Variants in TMEM132D observed in about 807,000 individuals in gnomAD.
TMEM132D encodes the protein mature OL transmembrane protein.
A neutral mutation model predicts 62.3 loss-of-function variants in TMEM132D; 21 were observed. The ratio of observed to expected loss-of-function variants is 0.34; its 90% CI spans 0.24 to 0.49. The LOEUF (loss-of-function observed/expected upper bound fraction) is 0.49, where lower values mean the gene tolerates loss of function less well. Ranked by LOEUF, TMEM132D falls within the 20% of genes least tolerant of loss-of-function variation. The pLI, the probability that TMEM132D is intolerant of heterozygous loss-of-function variation, is 0.99. For synonymous variants in TMEM132D, 621 were observed against 575.6 expected, an observed-to-expected ratio of 1.08 and a Z score of -1.13; for missense variants, 1,346 against 1,402.8, an observed-to-expected ratio of 0.96 and a Z score of 0.65.
At chr12:129,284,712 C>T (rs970864726) in intron 4 of TMEM132D, among the ~76,000 whole-genome samples, 2 of 152,162 alleles carry the variant, frequency 1.3e-5, no homozygotes, top group Non-Finnish European at 2.9e-5. Context: ...CATATAAATA[C>T]AATGGAATAT....
chr12:129,823,869 AT>A (rs1166550068), intron 1 of TMEM132D, among the ~76,000 whole-genome samples: 1 of 152,206 alleles, frequency 6.6e-6, no homozygotes, highest in Non-Finnish European at 1.5e-5. Flanking sequence ...AAAACATAAT[AT>A]GGTGTCTCTT....
In TMEM132D at chr12:129,734,932, C is replaced by T. The variant is rs79031604; in HGVS notation, c.80-34234G>A. Among the ~76,000 whole-genome samples, 808 of 152,038 alleles carry T rather than the reference C, an allele frequency of 5.3e-3. 7 individuals are homozygous for T. The highest frequency in any genetic ancestry group is 0.018 in the African/African-American group (752 of 41,448). On this transcript the variant is annotated intron_variant, in intron 1 of 8. Transcript: ENST00000422113. ...AACTGGAACTATAAAAGGCAAGTAA[C>T]CTGATAATCATAGAAACAAAAAGGA...
chr12:129,631,241 C>G (rs908593706), intron 2 of TMEM132D, among the ~76,000 whole-genome samples: 13 of 152,188 alleles, frequency 8.5e-5, no homozygotes, highest in Non-Finnish European at 1.8e-4. Context: ...GCGTCTTTCT[C>G]TTTCATAAAC....
chr12:129,328,494 T>A (rs1175427854), intron 4 of TMEM132D, among the ~76,000 whole-genome samples: 2 of 152,228 alleles, frequency 1.3e-5, no homozygotes, highest in Non-Finnish European at 2.9e-5. Context: ...TTTTGTACTA[T>A]GGGCCTTTAA....
intron 1 of TMEM132D, among the ~76,000 whole-genome samples, chr12:129,898,185 A>G (rs1314874468): frequency 6.6e-6 from 1 of 152,220 alleles, no homozygotes; most frequent in Non-Finnish European, 1.5e-5. Flanking sequence ...GCTCTGAATT[A>G]CTGGAAAAGG....
chr12:129,073,740 T>G lies in TMEM132D; in HGVS notation c.*135A>C, dbSNP rs1317525006. ...GGCCTCGCCGCCGAGCCGGGGTCAT[T>G]GGCTGAGGCTGTATGGATAGTGTCA... On this transcript the variant is annotated 3_prime_UTR_variant, in exon 9 of 9. Transcript: ENST00000422113. 1.3e-6 allele frequency: 1 copy of G among 783,386 alleles called. No homozygotes were observed. Among genetic ancestry groups the G allele is most frequent in the African/African-American group, 1.7e-5 (1 of 57,654 alleles). 48.5% of individuals were successfully genotyped at this position (783,386 alleles called of 1,614,324 possible).
At chr12:129,761,325 G>A (rs557986924) in intron 1 of TMEM132D, among the ~76,000 whole-genome samples, 27 of 151,866 alleles carry the variant, frequency 1.8e-4, no homozygotes, top group African/African-American at 5.1e-4. Context: ...TTCTGGAGGC[G>A]GGTGCAGCAC....
chr12:129,115,400 T>C (rs1051530790), intron 5 of TMEM132D, among the ~76,000 whole-genome samples: 5 of 151,986 alleles, frequency 3.3e-5, no homozygotes, highest in Non-Finnish European at 7.4e-5. Context: ...GATGAAATCT[T>C]TGGGATGGAG....
At chr12:129,152,312 C>T (rs1452825622) in intron 5 of TMEM132D, among the ~76,000 whole-genome samples, 1 of 152,158 alleles carries the variant, frequency 6.6e-6, no homozygotes, top group African/African-American at 2.4e-5. Flanking sequence ...CTCTGCTAAC[C>T]TAAAAATTCT....
At chr12:129,799,182 T>C (rs990764602) in intron 1 of TMEM132D, among the ~76,000 whole-genome samples, 1 of 152,040 alleles carries the variant, frequency 6.6e-6, no homozygotes, top group Non-Finnish European at 1.5e-5. Flanking sequence ...GGAGAATCAC[T>C]TGAACCTGGA....
chr12:129,082,473 G>A (rs1177767231), intron 6 of TMEM132D, among the ~76,000 whole-genome samples: 1 of 152,210 alleles, frequency 6.6e-6, no homozygotes, highest in East Asian at 1.9e-4. Context: ...GAAGTGAGGT[G>A]CATGCTGTGA....
At chr12:129,508,250 A>G (rs1875398252) in intron 3 of TMEM132D, among the ~76,000 whole-genome samples, 1 of 152,182 alleles carries the variant, frequency 6.6e-6, no homozygotes, top group Middle Eastern at 3.2e-3. Flanking sequence ...CATTGAAACC[A>G]TCATGCTTTG....
chr12:129,531,937 T>C (rs965146247), intron 2 of TMEM132D, among the ~76,000 whole-genome samples: 1 of 152,120 alleles, frequency 6.6e-6, no homozygotes, highest in Non-Finnish European at 1.5e-5. Context: ...GCCCCTGTAG[T>C]CCTAGCTACT....
Position 129,827,026 on chromosome 12 carries a change from A to C in TMEM132D, c.79+76235T>G, listed in dbSNP as rs1872681170. Among the ~76,000 whole-genome samples, 1 of 152,236 alleles carries C rather than the reference A, an allele frequency of 6.6e-6. No homozygotes were observed. The highest frequency in any genetic ancestry group is 2.4e-5 in the African/African-American group (1 of 41,460). On this transcript the variant is annotated intron_variant, in intron 1 of 8. Transcript: ENST00000422113. The surrounding 1 kb of genome is among the most constrained non-coding windows in gnomAD (Gnocchi z 9.7). ...GGCTGTGCTAATAACTATTCTAAAAATTACACCATAATGAAATATGCAAAA... is the reference window on the plus strand; with the variant it reads ...GGCTGTGCTAATAACTATTCTAAAACTTACACCATAATGAAATATGCAAAA...
At chr12:129,786,789 G>A (rs1383177473) in intron 1 of TMEM132D, among the ~76,000 whole-genome samples, 1 of 152,226 alleles carries the variant, frequency 6.6e-6, no homozygotes, top group Non-Finnish European at 1.5e-5. Context: ...TACTTGGGAG[G>A]CTGAGGCAGG....
intron 3 of TMEM132D, among the ~76,000 whole-genome samples, chr12:129,516,076 G>C (rs895518597): frequency 6.6e-6 from 1 of 152,156 alleles, no homozygotes; most frequent in South Asian, 2.1e-4. Flanking sequence ...CCTCAGGACT[G>C]CTGGATGTGT....
chr12:129,243,179 T>A (rs1879981496), intron 4 of TMEM132D, among the ~76,000 whole-genome samples: 2 of 152,226 alleles, frequency 1.3e-5, no homozygotes, highest in African/African-American at 2.4e-5. Flanking sequence ...ATAAATGAGC[T>A]ATAGTACCAA....
chr12:129,408,440 CTT>C (rs34261219), intron 3 of TMEM132D, among the ~76,000 whole-genome samples: 29 of 143,688 alleles, frequency 2.0e-4, no homozygotes, highest in African/African-American at 5.8e-4. Flanking sequence ...TTGATAGTAG[CTT>C]TTTTTTTTTT....
At chr12:129,687,282 A>C (rs564847610) in intron 2 of TMEM132D, among the ~76,000 whole-genome samples, 4 of 152,182 alleles carry the variant, frequency 2.6e-5, no homozygotes, top group Admixed American at 6.5e-5. Flanking sequence ...ATGCAGGTAC[A>C]AATGTCAAAT....
Sources: allele counts gnomAD v4.1 joint callset (sites outside exome capture counted in the v4.1 genomes callset), GRCh38; gene constraint gnomAD v4.1.1; non-coding constraint Gnocchi (gnomAD v3.1); transcripts MANE v1.5; gene names NCBI Gene and HGNC (gene_info 2026-07-23, HGNC 2026-07-21).